The following FAM118A variants were observed in gnomAD, a reference collection of about 807,000 sequenced individuals.
The protein encoded by FAM118A is SIR2 antiphage like 2.
Under a neutral mutation model 38.2 loss-of-function variants are expected in FAM118A, and 25 were observed. The observed-to-expected ratio is 0.65, with a 90% CI of 0.48 to 0.91. FAM118A has a LOEUF of 0.91. Among genes scored for constraint, FAM118A ranks in the 40% least tolerant of loss-of-function variants. The pLI, the probability that FAM118A is intolerant of heterozygous loss-of-function variation, is 0.00. For missense variants in FAM118A, 425 were observed against 463.3 expected, an observed-to-expected ratio of 0.92 and a Z score of 0.76; for synonymous variants, 178 against 184.1, an observed-to-expected ratio of 0.97 and a Z score of 0.27.
At position 45,335,196 on chromosome 22, in the gene FAM118A, C is replaced by T. The variant is rs77920193; in HGVS notation, c.938-154C>T. On this transcript the variant is annotated intron_variant, in intron 6 of 8. Transcript: ENST00000441876. ...CAAGCCTGGGAGGTAGAGGTGAGGG[C>T]AGCGAGCAGCGCAGGAGTCCGCAGC... 377 of 714,194 alleles carry T rather than the reference C, an allele frequency of 5.3e-4. 2 individuals carry two copies. The African/African-American group carries it at 6.3e-3, about 12-fold the overall frequency. The allele number at this position is 714,194 out of a possible 1,614,324, so 44.2% of individuals were successfully genotyped here.
intron 1 of FAM118A, among the ~76,000 whole-genome samples, chr22:45,321,018 A>T (rs1392086878): frequency 6.6e-6 from 1 of 152,250 alleles, no homozygotes; most frequent in Non-Finnish European, 1.5e-5. Flanking sequence ...TTACACTTAC[A>T]TTTATGAATA....
At chr22:45,336,255 G>C in intron 7 of FAM118A, 73 bp from the exon 8 acceptor site, 1 of 1,233,380 alleles carries the variant, frequency 8.1e-7, no homozygotes, top group Non-Finnish European at 1.2e-6. Context: ...CTTCAGTAAG[G>C]TCACATTATG....
chr22:45,314,254 C>T (rs2084505328), intron 1 of FAM118A, among the ~76,000 whole-genome samples: 1 of 152,230 alleles, frequency 6.6e-6, no homozygotes, highest in South Asian at 2.1e-4. Context: ...ATGATAAGCA[C>T]ACTGTGCAGG....
intron 2 of FAM118A, 39 bp from the exon 3 acceptor site, chr22:45,323,136 C>A (rs2085001296): frequency 1.2e-6 from 2 of 1,600,732 alleles, no homozygotes; most frequent in African/African-American, 1.3e-5. Context: ...AATGTTTCCG[C>A]TTTGACTTTC....
At chr22:45,325,008 T>C (rs1178082374) in intron 3 of FAM118A, among the ~76,000 whole-genome samples, 2 of 152,174 alleles carry the variant, frequency 1.3e-5, no homozygotes, top group Non-Finnish European at 2.9e-5. Context: ...GATTGTGCCA[T>C]TGCACTCTAT....
intron 3 of FAM118A, among the ~76,000 whole-genome samples, chr22:45,326,375 T>C (rs1393317260): frequency 6.6e-6 from 1 of 152,324 alleles, no homozygotes; most frequent in African/African-American, 2.4e-5. Context: ...CCTGATCCTC[T>C]TGTGTCTCTC....
At chr22:45,335,658 C>T (rs738177) in intron 7 of FAM118A, among the ~76,000 whole-genome samples, 130,070 of 152,178 alleles carry the variant, frequency 0.85, 55,640 homozygotes, top group Admixed American at 0.88. Context: ...CCAAGAGTGA[C>T]GGGACTTGGA....
chr22:45,310,685 A>G (rs2084325200), intron 1 of FAM118A, among the ~76,000 whole-genome samples: 1 of 152,048 alleles, frequency 6.6e-6, no homozygotes, highest in Non-Finnish European at 1.5e-5. Context: ...GTGATAACTT[A>G]AGACGGTAAC....
At position 45,341,599 on chromosome 22, in the gene FAM118A, A is replaced by G. The variant is rs1201648526; in HGVS notation, c.*1194A>G. ...TTTAAACCTTCTCAGGTTCACCCAC[A>G]TGAAACGGCTGTGCTGAGTGTGCTG... On this transcript the variant is annotated 3_prime_UTR_variant, in exon 9 of 9. Transcript: ENST00000441876. 6.6e-6 allele frequency: 1 copy of G among 152,290 alleles called. No individual in the cohort carries two copies. The highest frequency in any genetic ancestry group is 1.9e-4 in the East Asian group (1 of 5,182). 9.4% of individuals were successfully genotyped at this position (152,290 alleles called of 1,614,324 possible). A position where few individuals can be genotyped will look rare whatever the true frequency, so the allele number is the denominator to read the frequency against.
intron 3 of FAM118A, among the ~76,000 whole-genome samples, chr22:45,327,518 A>AT (rs1392070912): frequency 6.6e-6 from 1 of 152,034 alleles, no homozygotes; most frequent in Non-Finnish European, 1.5e-5. Context: ...TGCTTAGAAC[A>AT]TTCTCCACGA....
chr22:45,332,539 G>A lies in FAM118A; in HGVS notation c.766G>A (p.Asp256Asn). 1.2e-6 allele frequency: 2 copies of A among 1,614,198 alleles called. No individual in the cohort carries two copies. Among genetic ancestry groups the A allele is most frequent in the Non-Finnish European group, 8.5e-7 (1 of 1,180,040 alleles). Reference protein sequence around the residue: ...LFLYSVPNKVDLEHYMLVLKE... With the variant: ...LFLYSVPNKVNLEHYMLVLKE... ...TCTTTACTCCGTGCCGAATAAGGTG[G>A]ATTTGGAGCACTACATGCTTGTGCT... is the stretch of plus-strand genomic sequence containing the variant. The change falls in exon 6 of 9, where the codon GAT (aspartate) becomes AAT (asparagine). Residue 256 changes from aspartate (D) to asparagine (N), a missense_variant. Coordinates refer to ENST00000441876, the MANE Select transcript of FAM118A (RefSeq NM_017911.4).
At chr22:45,322,897 T>G (rs2084967227) in intron 2 of FAM118A, among the ~76,000 whole-genome samples, 2 of 152,198 alleles carry the variant, frequency 1.3e-5, no homozygotes, top group Non-Finnish European at 2.9e-5. Context: ...ATGATATGTA[T>G]CACTTAAATT....
At chr22:45,323,054 T>C (rs2084988677) in intron 2 of FAM118A, 121 bp from the exon 3 acceptor site, 1 of 1,001,684 alleles carries the variant, frequency 1.0e-6, no homozygotes, top group Non-Finnish European at 1.5e-6. Context: ...TGTGTGTGTG[T>C]GTGTGTGTGT....
Position 45,341,933 on chromosome 22 carries a change from C to T in FAM118A, c.*1528C>T, listed in dbSNP as rs1350220645. 2 of 152,114 alleles carry T rather than the reference C, an allele frequency of 1.3e-5. No individual in the cohort carries two copies. Among genetic ancestry groups the T allele is most frequent in the Non-Finnish European group, 2.9e-5 (2 of 68,030 alleles). The allele number at this position is 152,114 out of a possible 1,614,324, so 9.4% of individuals were successfully genotyped here. A position where few individuals can be genotyped will look rare whatever the true frequency, so the allele number is the denominator to read the frequency against. On this transcript the variant is annotated 3_prime_UTR_variant, in exon 9 of 9. Transcript: ENST00000441876. ...AACAAATCTTTTATGCCACTCCAGCCATAAATAAAATTTTAACTTCAACCC... is the reference window on the plus strand; with the variant it reads ...AACAAATCTTTTATGCCACTCCAGCTATAAATAAAATTTTAACTTCAACCC...
intron 4 of FAM118A, chr22:45,328,799 AAG>A (rs1399446487): frequency 6.0e-5 from 16 of 265,088 alleles, no homozygotes; most frequent in Non-Finnish European, 1.1e-4. Context: ...GAAAAAAAAA[AAG>A]AAATACCTGA....
intron 1 of FAM118A, among the ~76,000 whole-genome samples, chr22:45,314,093 G>A (rs1258507498): frequency 6.6e-6 from 1 of 152,182 alleles, no homozygotes; most frequent in Non-Finnish European, 1.5e-5. Context: ...TGGCCAGGCT[G>A]TTGCTGCTGT....
chr22:45,328,551 G>A (rs971429701), intron 4 of FAM118A: 3 of 706,450 alleles, frequency 4.2e-6, no homozygotes, highest in African/African-American at 1.7e-5. Context: ...AGGATTGCTT[G>A]AGCCCAGGAG....
chr22:45,323,272 C>A lies in FAM118A; in HGVS notation c.145C>A (p.Leu49Ile), dbSNP rs1231516504. The A allele has an allele frequency of 6.2e-7, 1 of 1,614,196 alleles. No individual in the cohort carries two copies. Among genetic ancestry groups the A allele is most frequent in the Admixed American group, 1.7e-5 (1 of 60,026 alleles). Residue 49 changes from leucine to isoleucine, a missense_variant, in exon 3 of 9, where the codon CTT (leucine) becomes ATT (isoleucine). By Grantham distance (5) the Leu-to-Ile change is conservative. Coordinates refer to ENST00000441876, the MANE Select transcript of FAM118A (RefSeq NM_017911.4). Reference sequence around the variant, plus strand: ...AGCAGTGGCCCCCGGAATCCCTGCCCTTTGCTCGTGGAGAAGCTGCATCGA... The same window carrying A: ...AGCAGTGGCCCCCGGAATCCCTGCCATTTGCTCGTGGAGAAGCTGCATCGA... ...SAAVAPGIPA[L>I]CSWRSCIEAV...
At chr22:45,333,684 A>AG (rs1404485024) in intron 6 of FAM118A, among the ~76,000 whole-genome samples, 2 of 151,036 alleles carry the variant, frequency 1.3e-5, no homozygotes, top group African/African-American at 4.9e-5. Flanking sequence ...CAAAAAAAAA[A>AG]AAAAAAAAGA....
Sources: allele counts gnomAD v4.1 joint callset (sites outside exome capture counted in the v4.1 genomes callset), GRCh38; gene constraint gnomAD v4.1.1; transcripts MANE v1.5; gene names NCBI Gene and HGNC (gene_info 2026-07-23, HGNC 2026-07-21).